Variants in GRM5 observed in about 807,000 individuals in gnomAD.
The protein encoded by GRM5 is metabotropic glutamate receptor 5.
Under a neutral mutation model 83.1 loss-of-function variants are expected in GRM5, and 19 were observed. The ratio of observed to expected loss-of-function variants is 0.23; its 90% CI spans 0.16 to 0.34. The LOEUF (loss-of-function observed/expected upper bound fraction) is 0.34. Ranked by LOEUF, GRM5 falls within the 10% of genes least tolerant of loss-of-function variation. The pLI is 1.00. For missense variants in GRM5, 1,160 were observed against 1,588.3 expected (o/e 0.73, Z 4.58); for synonymous variants, 675 against 633.6 (o/e 1.07, Z -0.98).
chr11:88,699,809 T>C (rs182645335), intron 3 of GRM5, among the ~76,000 whole-genome samples: 38 of 152,282 alleles, frequency 2.5e-4, no homozygotes, highest in African/African-American at 9.1e-4. Flanking sequence ...TATGTCAGCA[T>C]TTCTCCCAGA....
intron 8 of GRM5, among the ~76,000 whole-genome samples, chr11:88,525,840 C>T (rs777485212): frequency 1.4e-4 from 21 of 152,176 alleles, no homozygotes; most frequent in African/African-American, 2.7e-4. Flanking sequence ...TTATCATTTC[C>T]ATTTTACTGA....
At chr11:88,716,052 TA>T in intron 3 of GRM5, among the ~76,000 whole-genome samples, 1 of 151,926 alleles carries the variant, frequency 6.6e-6, no homozygotes, top group South Asian at 2.1e-4. Flanking sequence ...CTCACAAAAA[TA>T]GGGAGAAAAA....
At chr11:88,715,222 G>C (rs1471293259) in intron 3 of GRM5, among the ~76,000 whole-genome samples, 1 of 151,928 alleles carries the variant, frequency 6.6e-6, no homozygotes, top group Non-Finnish European at 1.5e-5. Flanking sequence ...TTGTGAAAAA[G>C]AGTAATTGAA....
At chr11:88,801,092 T>C (rs930689204) in intron 3 of GRM5, among the ~76,000 whole-genome samples, 4 of 152,150 alleles carry the variant, frequency 2.6e-5, no homozygotes, top group Non-Finnish European at 5.9e-5. Flanking sequence ...CCCAGAGGCA[T>C]ACCATTAAGC....
chr11:88,923,574 G>T (rs35324507), intron 2 of GRM5, among the ~76,000 whole-genome samples: 2,285 of 152,154 alleles, frequency 0.015, 27 homozygotes, highest in Middle Eastern at 0.054. Context: ...TAGAGGAAAA[G>T]GGGGGTGGTT....
intron 2 of GRM5, among the ~76,000 whole-genome samples, chr11:88,963,591 T>C (rs1297225988): frequency 1.3e-5 from 2 of 152,212 alleles, no homozygotes; most frequent in Non-Finnish European, 2.9e-5. Flanking sequence ...GGCAGAATTA[T>C]AGGATGGAAA....
At chr11:88,544,124 C>T (rs745666840) in intron 8 of GRM5, among the ~76,000 whole-genome samples, 13 of 152,228 alleles carry the variant, frequency 8.5e-5, no homozygotes, top group East Asian at 1.9e-4. Context: ...TGCCCTTCCA[C>T]CATGGGATGA....
chr11:89,029,958 A>C (rs1024343861), intron 2 of GRM5, among the ~76,000 whole-genome samples: 2 of 151,990 alleles, frequency 1.3e-5, no homozygotes, highest in African/African-American at 4.8e-5. Context: ...ATTTTTTACT[A>C]CTGTTATATT....
intron 4 of GRM5, among the ~76,000 whole-genome samples, chr11:88,634,794 G>T (rs1453203040): frequency 1.3e-5 from 2 of 152,084 alleles, no homozygotes; most frequent in Non-Finnish European, 2.9e-5. Context: ...ATACATAATT[G>T]TATGTGCCAT....
chr11:89,036,617 A>C (rs2135133225), intron 2 of GRM5, among the ~76,000 whole-genome samples: 1 of 149,280 alleles, frequency 6.7e-6, no homozygotes, highest in African/African-American at 2.5e-5. Flanking sequence ...AATTAAATGT[A>C]CTTGTCCAAA....
At chr11:88,933,613 T>C (rs1445571996) in intron 2 of GRM5, among the ~76,000 whole-genome samples, 1 of 151,900 alleles carries the variant, frequency 6.6e-6, no homozygotes, top group East Asian at 1.9e-4. Context: ...GTAAGACCTA[T>C]TTCGTTTGAG....
intron 3 of GRM5, among the ~76,000 whole-genome samples, chr11:88,731,624 T>TTTG (rs938563018): frequency 2.6e-5 from 4 of 151,940 alleles, no homozygotes; most frequent in South Asian, 2.1e-4. Context: ...TTGATGGGAT[T>TTTG]TTGTTGTTGT....
rs142499070 is a variant in GRM5 at position 88,718,902 on chromosome 11, T to A, written c.912-65499A>T. Among the ~76,000 whole-genome samples, 131 of 152,064 alleles carry A rather than the reference T, an allele frequency of 8.6e-4. No homozygotes were observed. The Middle Eastern group carries it at 0.014, about 16-fold the overall frequency. On this transcript the variant is annotated intron_variant, in intron 3 of 9. Transcript: ENST00000305447. ...TTCTGTAAAAGACTTCACTGAGAAA[T>A]TGACTTTTGATTAAATGTTTGTTTT...
At chr11:89,061,910 T>C (rs1429940560) in intron 1 of GRM5, among the ~76,000 whole-genome samples, 1 of 152,224 alleles carries the variant, frequency 6.6e-6, no homozygotes, top group Non-Finnish European at 1.5e-5. Context: ...CTAGATTGTA[T>C]ATTTTGTCAT....
intron 3 of GRM5, among the ~76,000 whole-genome samples, chr11:88,828,033 G>A (rs1943923418): frequency 6.6e-6 from 1 of 152,156 alleles, no homozygotes; most frequent in Admixed American, 6.5e-5. Flanking sequence ...CAAATCTATT[G>A]ATGTTGATAT....
intron 2 of GRM5, among the ~76,000 whole-genome samples, chr11:88,914,573 A>C (rs1055843142): frequency 5.3e-5 from 8 of 152,300 alleles, no homozygotes; most frequent in African/African-American, 1.7e-4. Flanking sequence ...AGCTTGGACT[A>C]AGGCAGTGGC....
At chr11:88,886,795 T>C (rs139861745) in intron 2 of GRM5, among the ~76,000 whole-genome samples, 2,880 of 152,268 alleles carry the variant, frequency 0.019, 46 homozygotes, top group East Asian at 0.067. Flanking sequence ...TCTCTGTGTA[T>C]GCAATGTATG....
intron 2 of GRM5, among the ~76,000 whole-genome samples, chr11:89,039,683 A>C (rs1941482750): frequency 6.6e-6 from 1 of 152,214 alleles, no homozygotes; most frequent in Admixed American, 6.5e-5. Flanking sequence ...ATGTAAATAT[A>C]TCAGATACCT....
chr11:88,725,593 G>A (rs1318621041), intron 3 of GRM5, among the ~76,000 whole-genome samples: 2 of 152,156 alleles, frequency 1.3e-5, no homozygotes, highest in Non-Finnish European at 2.9e-5. Context: ...TGGACTGGGA[G>A]ACACCTCCCA....
Sources: gnomAD v4.1 joint callset for allele counts (sites outside exome capture counted in the v4.1 genomes callset) on GRCh38, gnomAD v4.1.1 for gene constraint, MANE v1.5 for transcripts, NCBI Gene and HGNC (gene_info 2026-07-23, HGNC 2026-07-21) for gene names.